Variants in MAPK10 observed in about 807,000 individuals in gnomAD.
MAPK10 encodes mitogen-activated protein kinase 10.
Under a neutral mutation model 59.3 loss-of-function variants are expected in MAPK10, and 25 were observed. The ratio of observed to expected loss-of-function variants is 0.42; its 90% CI spans 0.31 to 0.59. The LOEUF (loss-of-function observed/expected upper bound fraction) is 0.59, where lower values mean the gene tolerates loss of function less well. Among genes scored for constraint, MAPK10 ranks in the 20% least tolerant of loss-of-function variants. MAPK10 has a pLI of 0.15. For missense variants in MAPK10, 351 were observed against 568.9 expected, an observed-to-expected ratio of 0.62 and a Z score of 3.90; for synonymous variants, 190 against 200.5, an observed-to-expected ratio of 0.95 and a Z score of 0.44.
intron 11 of MAPK10, among the ~76,000 whole-genome samples, chr4:86,060,080 T>C (rs2045441238): frequency 6.6e-6 from 1 of 152,204 alleles, no homozygotes. Flanking sequence ...TCTATCTGGT[T>C]GATCACCACT....
intron 1 of MAPK10, among the ~76,000 whole-genome samples, chr4:86,511,721 G>A (rs970637398): frequency 5.5e-5 from 8 of 146,778 alleles, no homozygotes; most frequent in African/African-American, 1.8e-4. Context: ...GAGGAGGAGC[G>A]GGAGCAGGAG....
At chr4:86,194,501 A>G (rs1347803148) in intron 2 of MAPK10, 94 bp from the exon 3 acceptor site, 3 of 759,246 alleles carry the variant, frequency 4.0e-6, no homozygotes, top group African/African-American at 3.4e-5. Context: ...TTATATGCAA[A>G]GTACCATGCA....
chr4:86,502,692 T>C (rs1755416945), intron 1 of MAPK10, among the ~76,000 whole-genome samples: 1 of 152,090 alleles, frequency 6.6e-6, no homozygotes. Flanking sequence ...AGAATTCTTC[T>C]GGCACCTATA....
intron 4 of MAPK10, chr4:86,125,304 T>A (rs967085624): frequency 2.6e-5 from 4 of 151,950 alleles, no homozygotes; most frequent in Admixed American, 2.6e-4. Context: ...AGCAGATTAA[T>A]ATACATGAGA....
chr4:86,411,255 G>C (rs1745136261), intron 1 of MAPK10, among the ~76,000 whole-genome samples: 1 of 152,184 alleles, frequency 6.6e-6, no homozygotes, highest in Non-Finnish European at 1.5e-5. Flanking sequence ...ATTGCACTGT[G>C]GTGTGAGAGA....
chr4:86,506,652 A>G (rs1755761233), intron 1 of MAPK10, among the ~76,000 whole-genome samples: 1 of 152,134 alleles, frequency 6.6e-6, no homozygotes, highest in South Asian at 2.1e-4. Context: ...CAAGGAAGGG[A>G]AGGCAGCACA....
chr4:86,029,145 C>T, intron 13 of MAPK10, 52 bp downstream of exon 13: 1 of 1,255,328 alleles, frequency 8.0e-7, no homozygotes, highest in Non-Finnish European at 1.2e-6. Flanking sequence ...TACACAAAGG[C>T]CAAGAAATTA....
chr4:86,551,576 TTCTC>T (rs146552435), intron 1 of MAPK10, among the ~76,000 whole-genome samples: 40,654 of 149,086 alleles, frequency 0.27, 6,013 homozygotes, highest in Admixed American at 0.34. Context: ...CTCTCTTTCT[TTCTC>T]TCTCTCTCTC....
chr4:86,098,836 C>G (rs1561659879), intron 8 of MAPK10: 2 of 408,124 alleles, frequency 4.9e-6, no homozygotes, highest in Non-Finnish European at 9.0e-6. Context: ...CTTACATTGC[C>G]TCTCAGCAGT....
chr4:86,099,600 G>C (rs368876735), intron 8 of MAPK10: 5 of 152,274 alleles, frequency 3.3e-5, no homozygotes, highest in African/African-American at 1.2e-4. Context: ...TGCTAGGCAG[G>C]CCTCCTCCAT....
intron 2 of MAPK10, among the ~76,000 whole-genome samples, chr4:86,213,459 G>C (rs1032278935): frequency 6.6e-6 from 1 of 152,034 alleles, no homozygotes; most frequent in Admixed American, 6.6e-5. Context: ...TCTTTAGCTG[G>C]ATTTAGTAAG....
chr4:86,178,871 A>G (rs115873710), intron 3 of MAPK10, among the ~76,000 whole-genome samples: 12,908 of 152,228 alleles, frequency 0.085, 1,213 homozygotes, highest in African/African-American at 0.23. Context: ...AAAATCAGTA[A>G]CATTTCTACA....
intron 11 of MAPK10, among the ~76,000 whole-genome samples, chr4:86,037,547 T>C (rs2040592156): frequency 6.6e-6 from 1 of 152,034 alleles, no homozygotes; most frequent in South Asian, 2.1e-4. Flanking sequence ...CCCTTTCTTG[T>C]GACTTCATTC....
intron 13 of MAPK10, among the ~76,000 whole-genome samples, chr4:86,025,911 TTAGAAAAAGCACAAGAATGAAAAA>T (rs1330294676): frequency 6.6e-6 from 1 of 152,150 alleles, no homozygotes; most frequent in Non-Finnish European, 1.5e-5. Context: ...AGACACAGAA[TTAGAAAAAGCACAAGAATGAAAAA>T]ATAGTGTCTT....
At chr4:86,522,544 T>C (rs1007033185) in intron 1 of MAPK10, among the ~76,000 whole-genome samples, 2 of 152,134 alleles carry the variant, frequency 1.3e-5, no homozygotes, top group African/African-American at 2.4e-5. Context: ...AACCAGAAGA[T>C]GGAGCTCCAA....
intron 2 of MAPK10, among the ~76,000 whole-genome samples, chr4:86,225,438 G>C (rs929735439): frequency 6.6e-6 from 1 of 152,102 alleles, no homozygotes; most frequent in Non-Finnish European, 1.5e-5. Context: ...AGTCCTGTGT[G>C]ACTCTACCGA....
chr4:86,199,728 A>G (rs2082193499), intron 2 of MAPK10, among the ~76,000 whole-genome samples: 1 of 152,062 alleles, frequency 6.6e-6, no homozygotes. Flanking sequence ...AACATATATT[A>G]TTGGATATGT....
intron 1 of MAPK10, among the ~76,000 whole-genome samples, chr4:86,552,478 AGGGAGGGAGGG>A (rs1281976729): frequency 2.3e-5 from 1 of 43,166 alleles, no homozygotes; most frequent in Non-Finnish European, 4.7e-5. Context: ...GGAGGGAGGG[AGGGAGGGAGGG>A]AGGGAGGGAA....
In MAPK10 at chr4:86,156,606, G is replaced by A. The variant is rs1050422852; in HGVS notation, c.236+2692C>T. On this transcript the variant is annotated intron_variant, in intron 4 of 13. Coordinates refer to ENST00000641462, the MANE Select transcript of MAPK10 (RefSeq NM_138982.4). ...AGTTGTTAACTTTTGCCACCACTTT[G>A]GCTGTCCATTTGAATCATCTTTAGA... Among the ~76,000 whole-genome samples, 42 of 151,958 alleles carry A rather than the reference G, an allele frequency of 2.8e-4. 1 individual carries two copies. Among genetic ancestry groups the A allele is most frequent in the Non-Finnish European group, 7.4e-5 (5 of 67,924 alleles).
Sources: gnomAD v4.1 joint callset for allele counts (sites outside exome capture counted in the v4.1 genomes callset) on GRCh38, gnomAD v4.1.1 for gene constraint, MANE v1.5 for transcripts, NCBI Gene and HGNC (gene_info 2026-07-23, HGNC 2026-07-21) for gene names.